CSMD1: variants seen among roughly 807,000 people sequenced by gnomAD.
CSMD1 encodes CUB and sushi domain-containing protein 1.
A neutral mutation model predicts 417.5 loss-of-function variants in CSMD1; 213 were observed. The observed-to-expected ratio is 0.51, with a 90% CI of 0.46 to 0.57. The LOEUF (loss-of-function observed/expected upper bound fraction) is 0.57, where lower values mean the gene tolerates loss of function less well. Among genes scored for constraint, CSMD1 ranks in the 20% least tolerant of loss-of-function variants. The pLI, the probability that CSMD1 is intolerant of heterozygous loss-of-function variation, is 0.00. For missense variants in CSMD1, 6,923 were observed against 4,529.7 expected (o/e 1.53, Z -15.17); for synonymous variants, 2,862 against 1,736.8 (o/e 1.65, Z -16.11).
intron 12 of CSMD1, among the ~76,000 whole-genome samples, chr8:3,421,867 A>C (rs1428646413): frequency 6.7e-6 from 1 of 148,872 alleles, no homozygotes; most frequent in Non-Finnish European, 1.5e-5. Flanking sequence ...CTAACTTCTA[A>C]CTTCAGGCGA....
chr8:2,974,255 G>T (rs937412756), intron 56 of CSMD1, among the ~76,000 whole-genome samples, 196 bp downstream of exon 56: 1 of 152,226 alleles, frequency 6.6e-6, no homozygotes. Context: ...TAAAGTAATG[G>T]TGTCTAACGA....
At chr8:2,997,287 C>A (rs1806991425) in intron 54 of CSMD1, among the ~76,000 whole-genome samples, 1 of 152,250 alleles carries the variant, frequency 6.6e-6, no homozygotes. Context: ...AACTTCTATA[C>A]AACTTCTAAT....
chr8:3,621,624 G>C (rs966080194), intron 7 of CSMD1, among the ~76,000 whole-genome samples: 1 of 151,840 alleles, frequency 6.6e-6, no homozygotes, highest in African/African-American at 2.4e-5. Flanking sequence ...ACAGAATCTT[G>C]TTCTGTTGCC....
rs1393229621 is a variant in CSMD1 at position 3,359,266 on chromosome 8, C to T, written c.3190G>A (p.Gly1064Arg). 4 of 1,613,720 alleles carry T rather than the reference C, an allele frequency of 2.5e-6. No homozygotes were observed. The highest frequency in any genetic ancestry group is 2.7e-5 in the African/African-American group (2 of 74,872). Residue 1064 changes from glycine (G) to arginine (R), a missense_variant, in exon 21 of 70, where the codon GGA becomes AGA. Gly to Arg is a moderately radical substitution (Grantham distance 125). Transcript: ENST00000635120. ...AAGCAGGAAAACGTCAGAGAGTCTC[C>T]CACACCAAAGTGAAAACCAATTCTT... ...SRRIGFHFGV[G>R]DSLTFSCFLG...
intron 1 of CSMD1, among the ~76,000 whole-genome samples, chr8:4,689,214 G>A (rs1167010431): frequency 6.6e-6 from 1 of 152,174 alleles, no homozygotes; most frequent in East Asian, 1.9e-4. Flanking sequence ...AGATCCTACT[G>A]TGAGGTGATT....
At chr8:3,686,907 A>G (rs1799970657) in intron 7 of CSMD1, among the ~76,000 whole-genome samples, 3 of 152,186 alleles carry the variant, frequency 2.0e-5, no homozygotes, top group Admixed American at 2.0e-4. Context: ...GGGCCGTAAG[A>G]GGACAGAGTA....
intron 2 of CSMD1, among the ~76,000 whole-genome samples, chr8:4,535,953 A>T (rs967209990): frequency 6.6e-6 from 1 of 152,050 alleles, no homozygotes; most frequent in African/African-American, 2.4e-5. Flanking sequence ...AGATCTTAAC[A>T]ATGTTGATGT....
Position 3,106,647 on chromosome 8 carries a change from A to G in CSMD1, c.6836-6T>C, listed in dbSNP as rs999911354. On this transcript the variant is annotated splice_polypyrimidine_tract_variant and splice_region_variant and intron_variant, in intron 45 of 69. Coordinates refer to ENST00000635120, the MANE Select transcript of CSMD1 (RefSeq NM_033225.6). ...CTGGTACTTCACAAAATCTCCTAGA[A>G]GAGTCAATGCAACAAACCAGGAAAT... 1.9e-6 allele frequency: 3 copies of G among 1,586,366 alleles called. No homozygotes were observed. The highest frequency in any genetic ancestry group is 1.7e-4 in the Middle Eastern group (1 of 6,024).
chr8:3,078,777 G>C (rs1471006497), intron 49 of CSMD1, among the ~76,000 whole-genome samples: 1 of 152,158 alleles, frequency 6.6e-6, no homozygotes, highest in Non-Finnish European at 1.5e-5. Flanking sequence ...TACCAGCTTA[G>C]TTACCTAAAC....
intron 12 of CSMD1, among the ~76,000 whole-genome samples, chr8:3,428,750 A>C (rs1430219972): frequency 2.0e-5 from 3 of 152,124 alleles, no homozygotes; most frequent in South Asian, 2.1e-4. Context: ...AGATAGCTGC[A>C]CTCCCCTGTT....
chr8:3,500,929 G>A (rs1370827612), intron 10 of CSMD1, among the ~76,000 whole-genome samples: 1 of 152,122 alleles, frequency 6.6e-6, no homozygotes, highest in Non-Finnish European at 1.5e-5. Context: ...TCTTTTAATG[G>A]AGAATATTGC....
rs371252532 is a variant in CSMD1 at position 4,140,889 on chromosome 8, T to C, written c.416-108790A>G. Among the ~76,000 whole-genome samples the C allele has an allele frequency of 2.1e-4, 31 of 151,168 alleles. No homozygotes were observed. In the East Asian group the frequency reaches 5.0e-3, roughly 25 times the overall value. On this transcript the variant is annotated intron_variant, in intron 3 of 69. Transcript: ENST00000635120. ...CATTTGGGAGATTGCTGATCGCCAATGCACAGGCTCAGTAGGGCCGACTTA... is the reference window on the plus strand; with the variant it reads ...CATTTGGGAGATTGCTGATCGCCAACGCACAGGCTCAGTAGGGCCGACTTA...
chr8:4,314,848 C>A (rs555890298), intron 3 of CSMD1, among the ~76,000 whole-genome samples: 2 of 152,104 alleles, frequency 1.3e-5, no homozygotes, highest in Non-Finnish European at 2.9e-5. Flanking sequence ...GAGGGAGCTG[C>A]GACAAGCTGG....
chr8:4,295,969 GA>G (rs954987403), intron 3 of CSMD1, among the ~76,000 whole-genome samples: 1 of 151,134 alleles, frequency 6.6e-6, no homozygotes, highest in African/African-American at 2.4e-5. Flanking sequence ...ACATTTTCCT[GA>G]AAAAAACAAA....
intron 7 of CSMD1, among the ~76,000 whole-genome samples, chr8:3,704,115 T>G (rs1585103406): frequency 6.6e-6 from 1 of 151,978 alleles, no homozygotes; most frequent in Non-Finnish European, 1.5e-5. Flanking sequence ...GTCTTATAAT[T>G]AGAGCAGTCC....
intron 5 of CSMD1, among the ~76,000 whole-genome samples, chr8:3,974,239 TATAATTATCTTAA>T (rs1223602654): frequency 6.6e-6 from 1 of 150,770 alleles, no homozygotes; most frequent in Non-Finnish European, 1.5e-5. Flanking sequence ...TTTTAAATAA[TATAATTATCTTAA>T]ATAATTATTT....
chr8:3,100,560 C>A (rs912278970), intron 46 of CSMD1, among the ~76,000 whole-genome samples: 2 of 152,216 alleles, frequency 1.3e-5, no homozygotes, highest in African/African-American at 4.8e-5. Context: ...ACTTGGGAAT[C>A]TGGGAAACCT....
At chr8:2,971,982 T>C (rs933610661) in intron 57 of CSMD1, among the ~76,000 whole-genome samples, 6 of 152,104 alleles carry the variant, frequency 3.9e-5, no homozygotes, top group Non-Finnish European at 8.8e-5. Flanking sequence ...ATTATATGCA[T>C]ATATATACAT....
intron 5 of CSMD1, among the ~76,000 whole-genome samples, chr8:3,995,608 G>A (rs564848927): frequency 4.6e-5 from 7 of 152,262 alleles, no homozygotes; most frequent in Non-Finnish European, 1.0e-4. Flanking sequence ...TCTGCCAAGG[G>A]CTCCATCAGC....
Sources: allele counts gnomAD v4.1 joint callset (sites outside exome capture counted in the v4.1 genomes callset), GRCh38; gene constraint gnomAD v4.1.1; transcripts MANE v1.5; gene names NCBI Gene and HGNC (gene_info 2026-07-23, HGNC 2026-07-21).